The following ALG9 variants were observed in gnomAD, a reference collection of about 807,000 sequenced individuals.
The protein encoded by ALG9 is ALG9 alpha-1,2-mannosyltransferase, also known as alpha-1,2-mannosyltransferase ALG9.
In ALG9, 55 loss-of-function variants were observed where a neutral mutation model predicts 81.8. The observed-to-expected ratio is 0.67, with a 90% CI of 0.54 to 0.84. The LOEUF is 0.84. Among genes scored for constraint, ALG9 ranks in the 40% least tolerant of loss-of-function variants. The pLI is 0.00. For missense variants in ALG9, 629 were observed against 745.0 expected, an observed-to-expected ratio of 0.84 and a Z score of 1.81; for synonymous variants, 278 against 274.3, an observed-to-expected ratio of 1.01 and a Z score of -0.13.
chr11:111,810,325 C>T (rs1950526790), intron 13 of ALG9, among the ~76,000 whole-genome samples: 2 of 152,142 alleles, frequency 1.3e-5, no homozygotes, highest in Non-Finnish European at 2.9e-5. Context: ...AGTGAGATAT[C>T]AGAACTCTGC....
chr11:111,840,137 A>T (rs921847272), intron 10 of ALG9, among the ~76,000 whole-genome samples: 1 of 152,056 alleles, frequency 6.6e-6, no homozygotes, highest in Non-Finnish European at 1.5e-5. Context: ...CATCCTAATT[A>T]TTTTTTTTCT....
intron 14 of ALG9, chr11:111,805,093 C>T (rs1034388428): frequency 5.7e-6 from 2 of 353,232 alleles, no homozygotes; most frequent in Non-Finnish European, 1.1e-5. Flanking sequence ...TAAACACTCA[C>T]CTATGTGATG....
At chr11:111,847,626 T>C (rs1418641993) in intron 8 of ALG9, among the ~76,000 whole-genome samples, 1 of 152,194 alleles carries the variant, frequency 6.6e-6, no homozygotes, top group East Asian at 1.9e-4. Context: ...TCACTTTCTT[T>C]TCTGCAACAC....
chr11:111,838,236 T>C lies in ALG9; in HGVS notation c.1324+13A>G. On this transcript the variant is annotated intron_variant, in intron 11 of 14. Coordinates refer to ENST00000616540, the MANE Select transcript of ALG9 (RefSeq NM_024740.2). ...CTCGTCAGTGTAGGTTAAGATATTC[T>C]TAGAAGATCTACCTCTGAACAGTGC... is the stretch of plus-strand genomic sequence containing the variant. The C allele has an allele frequency of 6.2e-7, 1 of 1,613,964 alleles. No individual in the cohort carries two copies. Among genetic ancestry groups the C allele is most frequent in the Non-Finnish European group, 8.5e-7 (1 of 1,179,892 alleles).
chr11:111,853,541 G>T, intron 7 of ALG9, 56 bp from the exon 8 acceptor site: 1 of 1,570,120 alleles, frequency 6.4e-7, no homozygotes, highest in Non-Finnish European at 8.8e-7. Flanking sequence ...ATGCTAATAG[G>T]ATAAACCTGA....
rs149437426 is a variant in ALG9, at chr11:111,802,296, A to C, written c.1733+7347T>G. 2.0e-3 allele frequency among the ~76,000 whole-genome samples: 302 copies of C among 152,362 alleles called. 1 individual carries two copies. The highest frequency in any genetic ancestry group is 6.7e-3 in the African/African-American group (279 of 41,586). On this transcript the variant is annotated intron_variant, in intron 14 of 14. Transcript: ENST00000616540. ...TTATTCCTAATAGCCAAAAAGTATA[A>C]ATGATTGAAATGTCCATCAGTTAGT...
At chr11:111,790,919 T>G (rs1947301744) in intron 14 of ALG9, among the ~76,000 whole-genome samples, 1 of 152,190 alleles carries the variant, frequency 6.6e-6, no homozygotes, top group Non-Finnish European at 1.5e-5. Flanking sequence ...AAACAAAAAT[T>G]ATGCAGTCTC....
chr11:111,870,382 C>CAAAAAAAAAAA lies in ALG9; in HGVS notation c.132-23_132-13dup, dbSNP rs60312459. 23 of 973,958 alleles carry CAAAAAAAAAAA rather than the reference C, an allele frequency of 2.4e-5. No individual in the cohort carries two copies. Among genetic ancestry groups the CAAAAAAAAAAA allele is most frequent in the South Asian group, 1.6e-4 (7 of 42,900 alleles). 60.3% of individuals were successfully genotyped at this position (973,958 alleles called of 1,614,324 possible). ...TGTTCCCAGATAACCTGTTCAAAAG[C>CAAAAAAAAAAA]AAAAAAAAAAAAAAAAAAAAAAGCA... On this transcript the variant is annotated splice_polypyrimidine_tract_variant and intron_variant, in intron 1 of 14. Coordinates refer to ENST00000616540, the MANE Select transcript of ALG9 (RefSeq NM_024740.2).
At chr11:111,858,203 G>A (rs762586899) in intron 5 of ALG9, among the ~76,000 whole-genome samples, 4 of 152,010 alleles carry the variant, frequency 2.6e-5, no homozygotes, top group East Asian at 1.9e-4. Context: ...CCAAAGTACC[G>A]GGATTACAGG....
At position 111,820,920 on chromosome 11, in the gene ALG9, GCACACACACACA is replaced by G. The variant is rs58305552; in HGVS notation, c.1603-11159_1603-11148del. Among the ~76,000 whole-genome samples, 730 of 146,360 alleles carry G rather than the reference GCACACACACACA, an allele frequency of 5.0e-3. 14 individuals carry two copies. Among genetic ancestry groups the G allele is most frequent in the East Asian group, 5.1e-3 (25 of 4,870 alleles). On this transcript the variant is annotated intron_variant, in intron 13 of 14. Transcript: ENST00000616540. ...TGAGACCCTGTCTCCAAACACGCGC[GCACACACACACA>G]CACACACACACACACAAGCCAGGTA...
At chr11:111,838,947 G>C (rs1462356636) in intron 10 of ALG9, among the ~76,000 whole-genome samples, 2 of 152,078 alleles carry the variant, frequency 1.3e-5, no homozygotes, top group Non-Finnish European at 2.9e-5. Context: ...CTTCTACTCA[G>C]ACTTCTTCCC....
At chr11:111,800,719 G>C (rs537308358) in intron 14 of ALG9, among the ~76,000 whole-genome samples, 1 of 152,224 alleles carries the variant, frequency 6.6e-6, no homozygotes, top group Non-Finnish European at 1.5e-5. Context: ...ATTTGTTTAA[G>C]GTCAGCCTCA....
chr11:111,844,731 A>T lies in ALG9; in HGVS notation c.896-8T>A, dbSNP rs782036760. 1 of 1,613,358 alleles carries T rather than the reference A, an allele frequency of 6.2e-7. No homozygotes were observed. The highest frequency in any genetic ancestry group is 8.5e-7 in the Non-Finnish European group (1 of 1,179,452). Reference sequence around the variant, plus strand: ...AATACCAGGGTTCTGTACCTGAGGGAGACATAAAGGTAAGAAATCATTAGT... The same window carrying T: ...AATACCAGGGTTCTGTACCTGAGGGTGACATAAAGGTAAGAAATCATTAGT... On this transcript the variant is annotated splice_region_variant and splice_polypyrimidine_tract_variant and intron_variant, in intron 8 of 14. Coordinates refer to ENST00000616540, the MANE Select transcript of ALG9 (RefSeq NM_024740.2).
At chr11:111,837,423 A>G (rs1555118512) in intron 12 of ALG9, 45 bp downstream of exon 12, 1 of 1,610,158 alleles carries the variant, frequency 6.2e-7, no homozygotes, top group Non-Finnish European at 8.5e-7. Context: ...GAACTGCTCT[A>G]TTTACTCCTT....
At chr11:111,865,882 T>A (rs1962238725) in intron 3 of ALG9, among the ~76,000 whole-genome samples, 1 of 152,208 alleles carries the variant, frequency 6.6e-6, no homozygotes, top group Non-Finnish European at 1.5e-5. Context: ...AATTTTATAA[T>A]TGACATCAAT....
chr11:111,836,394 T>C, intron 12 of ALG9, 100 bp from the exon 13 acceptor site: 1 of 1,492,392 alleles, frequency 6.7e-7, no homozygotes, highest in Non-Finnish European at 9.2e-7. Context: ...AAAACATTTC[T>C]CTTGAAGAAA....
At chr11:111,840,898 G>C in intron 9 of ALG9, 89 bp from the exon 10 acceptor site, 1 of 1,491,424 alleles carries the variant, frequency 6.7e-7, no homozygotes, top group South Asian at 1.1e-5. Flanking sequence ...TCAAATTTAG[G>C]AGTATGCCCT....
intron 13 of ALG9, among the ~76,000 whole-genome samples, chr11:111,825,242 C>T (rs1555107290): frequency 6.6e-6 from 1 of 152,204 alleles, no homozygotes; most frequent in African/African-American, 2.4e-5. Flanking sequence ...GAGTATTTCA[C>T]TTAAATTTTT....
chr11:111,836,371 GA>G, intron 12 of ALG9, 77 bp from the exon 13 acceptor site: 2 of 1,572,494 alleles, frequency 1.3e-6, no homozygotes. Context: ...AACAAGCCAG[GA>G]AAATCATGTG....
Sources: gnomAD v4.1 joint callset for allele counts (sites outside exome capture counted in the v4.1 genomes callset) on GRCh38, gnomAD v4.1.1 for gene constraint, MANE v1.5 for transcripts, NCBI Gene and HGNC (gene_info 2026-07-23, HGNC 2026-07-21) for gene names.